MAGI2: variants seen among roughly 807,000 people sequenced by gnomAD.
MAGI2 encodes the protein membrane associated guanylate kinase, WW and PDZ domain containing 2, also known as membrane-associated guanylate kinase, WW and PDZ domain-containing protein 2.
In MAGI2, 35 loss-of-function variants were observed where a neutral mutation model predicts 133.3. The observed-to-expected ratio is 0.26, with a 90% confidence interval of 0.20 to 0.35. MAGI2 has a LOEUF of 0.35. Among genes scored for constraint, MAGI2 ranks in the 10% least tolerant of loss-of-function variants. MAGI2 has a pLI of 1.00. For synonymous variants in MAGI2, 729 were observed against 710.6 expected (o/e 1.03, Z -0.41); for missense variants, 1,636 against 1,863.4 (o/e 0.88, Z 2.25).
chr7:79,391,349 T>TA (rs1424158340), intron 1 of MAGI2, among the ~76,000 whole-genome samples: 3 of 151,202 alleles, frequency 2.0e-5, no homozygotes, highest in African/African-American at 4.8e-5. Context: ...AACTAAAAGG[T>TA]AAAAAAATAT....
chr7:78,089,034 C>G (rs769015019), intron 20 of MAGI2, among the ~76,000 whole-genome samples: 2 of 152,148 alleles, frequency 1.3e-5, no homozygotes, highest in Non-Finnish European at 2.9e-5. Flanking sequence ...CAAGGAGTTT[C>G]TAGAAGCTGG....
At chr7:78,947,016 T>C (rs1015738947) in intron 2 of MAGI2, 1 of 152,124 alleles carries the variant, frequency 6.6e-6, no homozygotes, top group African/African-American at 2.4e-5. Context: ...AATAATCTTG[T>C]GTGGGCTATG....
intron 2 of MAGI2, among the ~76,000 whole-genome samples, chr7:78,708,207 A>T (rs1053280512): frequency 5.3e-5 from 8 of 152,166 alleles, no homozygotes; most frequent in African/African-American, 1.9e-4. Context: ...AATTTTCTTC[A>T]TTCGAATGCA....
At chr7:78,550,432 C>A (rs942052402) in intron 3 of MAGI2, among the ~76,000 whole-genome samples, 9 of 152,138 alleles carry the variant, frequency 5.9e-5, no homozygotes, top group Non-Finnish European at 1.2e-4. Flanking sequence ...TGGCTCAATA[C>A]ACTTCAGAAG....
intron 1 of MAGI2, among the ~76,000 whole-genome samples, chr7:79,230,121 C>G (rs1163412212): frequency 5.3e-5 from 8 of 151,634 alleles, no homozygotes; most frequent in Admixed American, 3.3e-4. Context: ...AGGACATGAA[C>G]TCATCATTTT....
At chr7:78,023,223 C>G (rs942949581) in intron 21 of MAGI2, among the ~76,000 whole-genome samples, 5 of 152,216 alleles carry the variant, frequency 3.3e-5, no homozygotes, top group African/African-American at 1.2e-4. Flanking sequence ...TTGTGCTGGA[C>G]AGGAAGAGCC....
At chr7:78,362,364 TGAAAA>T (rs759078316) in intron 7 of MAGI2, among the ~76,000 whole-genome samples, 2 of 152,082 alleles carry the variant, frequency 1.3e-5, no homozygotes, top group African/African-American at 2.4e-5. Flanking sequence ...AAATGGTAGT[TGAAAA>T]GAAGTATTGG....
chr7:78,667,605 T>C (rs1029520055), intron 2 of MAGI2, among the ~76,000 whole-genome samples: 1 of 149,998 alleles, frequency 6.7e-6, no homozygotes, highest in Non-Finnish European at 1.5e-5. Context: ...GTGTTCTCAT[T>C]GTTCAATTCC....
chr7:78,506,286 G>C, intron 4 of MAGI2, among the ~76,000 whole-genome samples: 1 of 152,166 alleles, frequency 6.6e-6, no homozygotes, highest in East Asian at 1.9e-4. Flanking sequence ...GGAGGAGTAG[G>C]ATTCTGTGGG....
chr7:78,711,592 A>C (rs901710279), intron 2 of MAGI2, among the ~76,000 whole-genome samples: 1 of 110,038 alleles, frequency 9.1e-6, no homozygotes, highest in South Asian at 2.8e-4. Flanking sequence ...TCCATGATCA[A>C]GGACTGACGA....
chr7:79,397,080 C>A (rs1376026080), intron 1 of MAGI2, among the ~76,000 whole-genome samples: 2 of 151,066 alleles, frequency 1.3e-5, no homozygotes, highest in Non-Finnish European at 3.0e-5. Context: ...AAAGGTTTTA[C>A]ATATATATGC....
intron 2 of MAGI2, among the ~76,000 whole-genome samples, chr7:78,719,579 G>A (rs149229821): frequency 9.1e-4 from 139 of 152,306 alleles, no homozygotes; most frequent in African/African-American, 2.9e-3. Context: ...GCAGGATCTT[G>A]CACGAAGAAA....
At chr7:78,325,321 C>G (rs1198003592) in intron 9 of MAGI2, among the ~76,000 whole-genome samples, 1 of 152,170 alleles carries the variant, frequency 6.6e-6, no homozygotes, top group African/African-American at 2.4e-5. Context: ...TGATGGGAGA[C>G]AGTTTATAGA....
At chr7:78,870,395 A>C (rs1212895420) in intron 2 of MAGI2, among the ~76,000 whole-genome samples, 1 of 151,964 alleles carries the variant, frequency 6.6e-6, no homozygotes, top group Non-Finnish European at 1.5e-5. Flanking sequence ...AACGACATGA[A>C]TAGACAATTC....
intron 3 of MAGI2, among the ~76,000 whole-genome samples, chr7:78,600,887 A>C (rs1805128677): frequency 6.6e-6 from 1 of 152,180 alleles, no homozygotes; most frequent in African/African-American, 2.4e-5. Context: ...TTTCAGAATA[A>C]ATTGCTAAGG....
At chr7:79,214,360 C>CCTCTCTCTCT (rs71531163) in intron 1 of MAGI2, among the ~76,000 whole-genome samples, 14 of 27,566 alleles carry the variant, frequency 5.1e-4, no homozygotes, top group Admixed American at 6.2e-4. Context: ...GCATTACGCA[C>CCTCTCTCTCT]CTCTCTCTCT....
chr7:79,006,470 A>G (rs1457850295), intron 2 of MAGI2, among the ~76,000 whole-genome samples: 2 of 152,168 alleles, frequency 1.3e-5, no homozygotes, highest in African/African-American at 4.8e-5. Flanking sequence ...TGTAACAGAC[A>G]CTAAAAATTG....
chr7:78,034,299 G>A (rs543005538), intron 21 of MAGI2, among the ~76,000 whole-genome samples: 24 of 152,256 alleles, frequency 1.6e-4, no homozygotes, highest in African/African-American at 5.5e-4. Flanking sequence ...TGCTACAGAA[G>A]CATTTAATGG....
At chr7:78,775,320 T>TAAAAAAAAAAAAAAAAAA (rs3086258) in intron 2 of MAGI2, among the ~76,000 whole-genome samples, 4 of 57,376 alleles carry the variant, frequency 7.0e-5, no homozygotes, top group African/African-American at 7.0e-5. Context: ...CGTCTCAAAT[T>TAAAAAAAAAAAAAAAAAA]AAAAAAAAAA....
Sources: gnomAD v4.1 joint callset for allele counts (sites outside exome capture counted in the v4.1 genomes callset) on GRCh38, gnomAD v4.1.1 for gene constraint, MANE v1.5 for transcripts, NCBI Gene and HGNC (gene_info 2026-07-23, HGNC 2026-07-21) for gene names.